Variants in YIPF2 observed in about 807,000 individuals in gnomAD.
YIPF2 encodes the protein protein YIPF2.
A neutral mutation model predicts 38.8 loss-of-function variants in YIPF2; 30 were observed. The observed-to-expected ratio is 0.77, with a 90% CI of 0.58 to 1.05. The LOEUF is 1.05. YIPF2 is among the 50% of genes least tolerant of loss of function. The probability of loss-of-function intolerance (pLI) is 0.00; values close to 1 mark genes in which losing one functional copy is unlikely to be tolerated. For missense variants in YIPF2, 401 were observed against 409.7 expected, an observed-to-expected ratio of 0.98 and a Z score of 0.18; for synonymous variants, 194 against 183.8, an observed-to-expected ratio of 1.06 and a Z score of -0.45.
intron 5 of YIPF2, among the ~76,000 whole-genome samples, chr19:10,924,465 C>T (rs2083387523): frequency 6.6e-6 from 1 of 152,232 alleles, no homozygotes; most frequent in Admixed American, 6.5e-5. Flanking sequence ...GACTCTCTGA[C>T]CCCTTCAGCC....
intron 4 of YIPF2, 79 bp from the exon 5 acceptor site, chr19:10,925,852 C>T: frequency 7.2e-7 from 1 of 1,385,720 alleles, no homozygotes; most frequent in Non-Finnish European, 1.0e-6. Flanking sequence ...TCCCTGCTGA[C>T]CTCCACCCTT....
In YIPF2 at chr19:10,923,010, C is replaced by T. The variant is rs1019235370; in HGVS notation, c.*184G>A. 6.0e-5 allele frequency: 19 copies of T among 317,914 alleles called. No homozygotes were observed. The highest frequency in any genetic ancestry group is 3.3e-4 in the African/African-American group (15 of 44,800). 19.7% of individuals were successfully genotyped at this position (317,914 alleles called of 1,614,324 possible). ...GCTCCCTGCTCGGCTGCCCCTCGCC[C>T]GCCTTTATATAAATTCTCTGAATCA... On this transcript the variant is annotated 3_prime_UTR_variant, in exon 10 of 10. Coordinates refer to ENST00000586748, the MANE Select transcript of YIPF2 (RefSeq NM_001321439.2).
intron 4 of YIPF2, 169 bp downstream of exon 4, chr19:10,927,461 T>C (rs2145279995): frequency 2.3e-6 from 2 of 851,090 alleles, no homozygotes; most frequent in East Asian, 5.4e-5. Flanking sequence ...ATTGTGTGTG[T>C]CCCCTGTGTT....
chr19:10,928,456 G>C lies in YIPF2; in HGVS notation c.-30-16C>G. 7.4e-7 allele frequency: 1 copy of C among 1,356,172 alleles called. No individual in the cohort carries two copies. The highest frequency in any genetic ancestry group is 9.5e-7 in the Non-Finnish European group (1 of 1,052,094). 84.0% of individuals were successfully genotyped at this position (1,356,172 alleles called of 1,614,324 possible). A position where few individuals can be genotyped will look rare whatever the true frequency, so the allele number is the denominator to read the frequency against. On this transcript the variant is annotated splice_polypyrimidine_tract_variant and intron_variant, in intron 1 of 9. Coordinates refer to ENST00000586748, the MANE Select transcript of YIPF2 (RefSeq NM_001321439.2). ...GCATCCCTCGCTGAGGACAGAGACCGGTCAGGCACACTTCCCCCCCGCCCC... is the reference window on the plus strand; with the variant it reads ...GCATCCCTCGCTGAGGACAGAGACCCGTCAGGCACACTTCCCCCCCGCCCC...
Position 10,927,779 on chromosome 19 carries a change from G to C in YIPF2, c.192+20C>G. 1 of 1,609,390 alleles carries C rather than the reference G, an allele frequency of 6.2e-7. No individual in the cohort carries two copies. Among genetic ancestry groups the C allele is most frequent in the Non-Finnish European group, 8.5e-7 (1 of 1,178,252 alleles). On this transcript the variant is annotated intron_variant, in intron 3 of 9. Transcript: ENST00000586748. ...CTGGGTCAGCTGGGGGCTGCAAGGA[G>C]GCAGGACACAGGGACTCACCGCGGC...
In YIPF2 at chr19:10,923,161, C is replaced by A. The variant is rs754670257; in HGVS notation, c.*33G>T. The stretch of plus-strand genomic sequence containing the variant: ...GGCAGGACAGGCAGAGGGGTTGGTC[C>A]ACTTAGGTGTTGCCTGAAAGAAAGA... On this transcript the variant is annotated 3_prime_UTR_variant, in exon 10 of 10. Coordinates refer to ENST00000586748, the MANE Select transcript of YIPF2 (RefSeq NM_001321439.2). The A allele has an allele frequency of 1.3e-5, 12 of 906,898 alleles. No individual in the cohort carries two copies. Among genetic ancestry groups the A allele is most frequent in the Non-Finnish European group, 6.5e-6 (4 of 614,160 alleles). 56.2% of individuals were successfully genotyped at this position (906,898 alleles called of 1,614,324 possible).
chr19:10,925,633 G>A (rs2083410772), intron 5 of YIPF2, 53 bp downstream of exon 5: 2 of 1,606,216 alleles, frequency 1.2e-6, no homozygotes, highest in Non-Finnish European at 1.7e-6. Flanking sequence ...CTGCAACTCA[G>A]GCCACACTTG....
chr19:10,926,816 G>A (rs989671304), intron 4 of YIPF2, among the ~76,000 whole-genome samples: 7 of 151,260 alleles, frequency 4.6e-5, no homozygotes, highest in Non-Finnish European at 1.0e-4. Flanking sequence ...GCCGACCACT[G>A]CACTTGGCTA....
In YIPF2 at chr19:10,927,794, C is replaced by G; in HGVS notation, c.192+5G>C. 1 of 1,607,214 alleles carries G rather than the reference C, an allele frequency of 6.2e-7. No individual in the cohort carries two copies. Among genetic ancestry groups the G allele is most frequent in the South Asian group, 1.1e-5 (1 of 90,950 alleles). ...GCTGCAAGGAGGCAGGACACAGGGA[C>G]TCACCGCGGCCTTGTCACTCTCCTC... is the stretch of plus-strand genomic sequence containing the variant. On this transcript the variant is annotated splice_donor_5th_base_variant and intron_variant, in intron 3 of 9. Coordinates refer to ENST00000586748, the MANE Select transcript of YIPF2 (RefSeq NM_001321439.2).
intron 5 of YIPF2, 58 bp downstream of exon 5, chr19:10,925,628 A>G: frequency 6.2e-7 from 1 of 1,602,866 alleles, no homozygotes; most frequent in Non-Finnish European, 8.5e-7. Flanking sequence ...GGCATCTGCA[A>G]CTCAGGCCAC....
chr19:10,928,296 G>T, intron 2 of YIPF2, 84 bp downstream of exon 2: 1 of 1,316,806 alleles, frequency 7.6e-7, no homozygotes, highest in Non-Finnish European at 9.8e-7. Flanking sequence ...AGGCTTCGGG[G>T]TAGAGAAATT....
chr19:10,924,330 C>G (rs949546237), intron 5 of YIPF2, 138 bp from the exon 6 acceptor site: 2 of 728,546 alleles, frequency 2.7e-6, no homozygotes, highest in African/African-American at 3.5e-5. Context: ...CGGGGGCCTC[C>G]TGGTGGCTGA....
chr19:10,928,439 C>T lies in YIPF2; in HGVS notation c.-29G>A. The T allele has an allele frequency of 2.2e-6, 3 of 1,339,610 alleles. No homozygotes were observed. Among genetic ancestry groups the T allele is most frequent in the Non-Finnish European group, 2.9e-6 (3 of 1,041,372 alleles). The allele number at this position is 1,339,610 out of a possible 1,614,324, so 83.0% of individuals were successfully genotyped here. ...CGTTCAGGGGCGTCTCCGCATCCCT[C>T]GCTGAGGACAGAGACCGGTCAGGCA... On this transcript the variant is annotated splice_region_variant and 5_prime_UTR_variant, in exon 2 of 10. Transcript: ENST00000586748.
Position 10,925,695 on chromosome 19 carries a change from C to T in YIPF2, c.358G>A (p.Asp120Asn), listed in dbSNP as rs2083412050. Residue 120 changes from aspartate (D) to asparagine (N), a missense_variant, in exon 5 of 10, where the codon GAT becomes AAT. Physicochemically the swap from Asp to Asn is conservative, Grantham distance 23. Transcript: ENST00000586748. ...GCACAACCTCACTCACCATACAGAT[C>T]CGGCCGATTCCGCAGATGGTGCCGC... ...FVRHHLRNRP[D>N]LYGPFWICAT... 2 of 1,614,060 alleles carry T rather than the reference C, an allele frequency of 1.2e-6. No individual in the cohort carries two copies. The highest frequency in any genetic ancestry group is 1.7e-6 in the Non-Finnish European group (2 of 1,179,996).
chr19:10,925,742 G>C lies in YIPF2; in HGVS notation c.311C>G (p.Pro104Arg), dbSNP rs1351840107. Residue 104 changes from proline (P) to arginine (R), a missense_variant, in exon 5 of 10, where the codon CCC becomes CGC. By Grantham distance (103) the Pro-to-Arg change is moderately radical (BLOSUM62 -2). Coordinates refer to ENST00000586748, the MANE Select transcript of YIPF2 (RefSeq NM_001321439.2). ...CCGCACAAAGTTGTGGCCAGGCCGGGGCAGCAGTGAGCCTTTGATCCGGTC... is the reference window on the plus strand; with the variant it reads ...CCGCACAAAGTTGTGGCCAGGCCGGCGCAGCAGTGAGCCTTTGATCCGGTC... ...VLDRIKGSLL[P>R]RPGHNFVRHH... 6.2e-7 allele frequency: 1 copy of C among 1,613,874 alleles called. No homozygotes were observed. The highest frequency in any genetic ancestry group is 1.7e-5 in the Admixed American group (1 of 59,988).
rs562479764 is a variant in YIPF2, at chr19:10,923,655, G to A, written c.674C>T (p.Pro225Leu). 1.9e-6 allele frequency: 3 copies of A among 1,611,006 alleles called. No homozygotes were observed. Among genetic ancestry groups the A allele is most frequent in the South Asian group, 2.2e-5 (2 of 90,888 alleles). Reference protein sequence around the residue: ...PMVVLWLIPVPWLQWLFGALA... With the variant: ...PMVVLWLIPVLWLQWLFGALA... Reference sequence around the variant, plus strand: ...CGCCCCAAAGAGCCACTGCAGCCAAGGCACAGGGATGAGCCACAGGACCTG... The same window carrying A: ...CGCCCCAAAGAGCCACTGCAGCCAAAGCACAGGGATGAGCCACAGGACCTG... Residue 225 changes from proline to leucine, a missense_variant, in exon 8 of 10, where the codon CCT (proline) becomes CTT (leucine). Coordinates refer to ENST00000586748, the MANE Select transcript of YIPF2 (RefSeq NM_001321439.2).
At position 10,923,295 on chromosome 19, in the gene YIPF2, G is replaced by A. The variant is rs746168068; in HGVS notation, c.947C>T (p.Ser316Phe). 6.8e-6 allele frequency: 11 copies of A among 1,608,336 alleles called. No individual in the cohort carries two copies. The highest frequency in any genetic ancestry group is 1.3e-5 in the African/African-American group (1 of 74,606). Reference protein sequence around the residue: ...SPTLPQSLAPS With the variant: ...SPTLPQSLAPF ...ACCTGTGGGACCCGGGCCTTCCTAG[G>A]AGGGGGCCAGGGACTGCGGCAAGGT... The change falls in exon 9 of 10, where the codon TCC becomes TTC. Residue 316 changes from serine to phenylalanine, a missense_variant. Physicochemically the swap from Ser to Phe is radical, Grantham distance 155. Coordinates refer to ENST00000586748, the MANE Select transcript of YIPF2 (RefSeq NM_001321439.2).
Position 10,928,636 on chromosome 19 carries a change from G to A in YIPF2, c.-156C>T. ...GGGGCTCTCTGCGCCTGCGCGTCTC[G>A]CCTACCCGTCAGACTCCAACCGACT... On this transcript the variant is annotated 5_prime_UTR_variant, in exon 1 of 10. Coordinates refer to ENST00000586748, the MANE Select transcript of YIPF2 (RefSeq NM_001321439.2). 1 of 837,572 alleles carries A rather than the reference G, an allele frequency of 1.2e-6. No individual in the cohort carries two copies. Among genetic ancestry groups the A allele is most frequent in the Non-Finnish European group, 1.7e-6 (1 of 580,850 alleles). The allele number at this position is 837,572 out of a possible 1,614,324, so 51.9% of individuals were successfully genotyped here.
rs1311970182 is a variant in YIPF2 at position 10,927,676 on chromosome 19, C to T, written c.233G>A (p.Trp78Ter). ...EQQQQQQPGF[W>*]TFSYYQSFFD... ...GAAGCTCTGATAGTAGCTGAAGGTC[C>T]AGAATCCCGGCTGCTGCTGCTGCTG... The change falls in exon 4 of 10, where the codon TGG (tryptophan) becomes TAG (stop). Residue 78 changes from tryptophan (W) to a stop codon, truncating the protein, a stop_gained. Coordinates refer to ENST00000586748, the MANE Select transcript of YIPF2 (RefSeq NM_001321439.2). LOFTEE classifies it high-confidence loss of function. The T allele has an allele frequency of 6.2e-7, 1 of 1,613,876 alleles. No individual in the cohort carries two copies. Among genetic ancestry groups the T allele is most frequent in the Admixed American group, 1.7e-5 (1 of 60,014 alleles).
Sources: gnomAD v4.1 joint callset for allele counts (sites outside exome capture counted in the v4.1 genomes callset) on GRCh38, gnomAD v4.1.1 for gene constraint, MANE v1.5 for transcripts, NCBI Gene and HGNC (gene_info 2026-07-23, HGNC 2026-07-21) for gene names.